COX7B2: variants seen among roughly 807,000 people sequenced by gnomAD.
COX7B2 encodes the protein cytochrome c oxidase subunit 7B2, mitochondrial.
For synonymous variants in COX7B2, 37 were observed against 32.1 expected (o/e 1.15, Z -0.51); for missense variants, 109 against 95.9 (o/e 1.14, Z -0.57).
intron 2 of COX7B2, among the ~76,000 whole-genome samples, chr4:46,747,113 G>A (rs1239669182): frequency 6.6e-6 from 1 of 151,944 alleles, no homozygotes; most frequent in Non-Finnish European, 1.5e-5. Context: ...AAGTAAACTC[G>A]TGTCATGGGG....
intron 2 of COX7B2, among the ~76,000 whole-genome samples, chr4:46,789,739 AG>A (rs1717939678): frequency 6.6e-6 from 1 of 152,074 alleles, no homozygotes; most frequent in East Asian, 1.9e-4. Context: ...TCGTTTTTTC[AG>A]TTTATTTATT....
intron 1 of COX7B2, among the ~76,000 whole-genome samples, chr4:46,900,419 ATGGGTAGTT>A (rs2109893715): frequency 6.6e-6 from 1 of 152,260 alleles, no homozygotes; most frequent in East Asian, 1.9e-4. Context: ...TTGTTCTCAC[ATGGGTAGTT>A]TGGCTTCTTG....
chr4:46,798,885 C>A (rs1168166236), intron 2 of COX7B2, among the ~76,000 whole-genome samples: 1 of 152,174 alleles, frequency 6.6e-6, no homozygotes, highest in African/African-American at 2.4e-5. Context: ...TCTTAGTCTA[C>A]ACCAGTGGCC....
chr4:46,808,935 T>G (rs1719146236), intron 2 of COX7B2, among the ~76,000 whole-genome samples: 1 of 152,004 alleles, frequency 6.6e-6, no homozygotes, highest in Non-Finnish European at 1.5e-5. Flanking sequence ...TTTGCTAATA[T>G]TTTACTAAGG....
At chr4:46,834,115 TA>T (rs1715350383) in intron 2 of COX7B2, among the ~76,000 whole-genome samples, 1 of 152,166 alleles carries the variant, frequency 6.6e-6, no homozygotes, top group Non-Finnish European at 1.5e-5. Flanking sequence ...GATTGAAAGA[TA>T]AAAATTGTGA....
At chr4:46,908,937 G>A (rs553223534) in intron 1 of COX7B2, among the ~76,000 whole-genome samples, 115 of 152,014 alleles carry the variant, frequency 7.6e-4, no homozygotes, top group Non-Finnish European at 1.3e-3. Context: ...CCAGCTACTC[G>A]GGAGGCTGAG....
At chr4:46,772,064 T>C (rs1258305260) in intron 2 of COX7B2, among the ~76,000 whole-genome samples, 5 of 141,576 alleles carry the variant, frequency 3.5e-5, no homozygotes, top group African/African-American at 1.3e-4. Flanking sequence ...CAGATAAATA[T>C]ATTAAAAAAT....
In COX7B2 at chr4:46,824,375, T is replaced by C. The variant is rs1309931053; in HGVS notation, c.-50+20585A>G. Among the ~76,000 whole-genome samples the C allele has an allele frequency of 5.9e-5, 9 of 152,156 alleles. No homozygotes were observed. The East Asian group carries it at 1.7e-3, about 29-fold the overall frequency. On this transcript the variant is annotated intron_variant, in intron 2 of 2. Coordinates refer to ENST00000355591, the MANE Select transcript of COX7B2 (RefSeq NM_130902.3). The stretch of plus-strand genomic sequence containing the variant: ...CAACATACACATCTTTTGGAAGAAA[T>C]CCTTGCAAGATAGTGAGGTATACAT...
At chr4:46,825,457 C>G (rs1714619661) in intron 2 of COX7B2, among the ~76,000 whole-genome samples, 1 of 152,036 alleles carries the variant, frequency 6.6e-6, no homozygotes, top group African/African-American at 2.4e-5. Flanking sequence ...CCATACTGCC[C>G]AAAGCAATTT....
intron 2 of COX7B2, among the ~76,000 whole-genome samples, chr4:46,819,252 C>T (rs367654154): frequency 3.3e-5 from 5 of 151,986 alleles, no homozygotes; most frequent in African/African-American, 7.3e-5. Context: ...TATCAAAAAC[C>T]CTTTAGCGGA....
intron 2 of COX7B2, among the ~76,000 whole-genome samples, chr4:46,766,210 C>T (rs902963509): frequency 1.3e-5 from 2 of 152,084 alleles, no homozygotes; most frequent in Admixed American, 6.5e-5. Context: ...ATAAAACACC[C>T]CATAAGGTGT....
intron 2 of COX7B2, among the ~76,000 whole-genome samples, chr4:46,784,791 A>T (rs1717663329): frequency 1.3e-5 from 2 of 152,190 alleles, no homozygotes; most frequent in Admixed American, 1.3e-4. Flanking sequence ...ATAAGTGTTG[A>T]TTGCTTAGCT....
At chr4:46,752,305 A>G (rs1311620037) in intron 2 of COX7B2, among the ~76,000 whole-genome samples, 4 of 151,152 alleles carry the variant, frequency 2.6e-5, no homozygotes, top group Non-Finnish European at 5.9e-5. Flanking sequence ...TTATCAGCTT[A>G]AGGAGATTTT....
intron 2 of COX7B2, among the ~76,000 whole-genome samples, chr4:46,770,302 C>CTGTACAT (rs1490342954): frequency 6.6e-6 from 1 of 151,984 alleles, no homozygotes; most frequent in East Asian, 1.9e-4. Flanking sequence ...TGTTAAAAAT[C>CTGTACAT]TGTACATTGT....
At chr4:46,881,811 T>A (rs1237241832) in intron 1 of COX7B2, among the ~76,000 whole-genome samples, 1 of 152,130 alleles carries the variant, frequency 6.6e-6, no homozygotes, top group East Asian at 1.9e-4. Flanking sequence ...CCCAAGATAT[T>A]TTCCTTTCAC....
chr4:46,759,283 T>C lies in COX7B2; in HGVS notation c.-49-24042A>G, dbSNP rs576592227. 2.6e-5 allele frequency among the ~76,000 whole-genome samples: 4 copies of C among 152,182 alleles called. No individual in the cohort carries two copies. The South Asian group carries it at 8.3e-4, about 32-fold the overall frequency. On this transcript the variant is annotated intron_variant, in intron 2 of 2. Transcript: ENST00000355591. ...CTAAGAAGTCCTTCAGATAATGTAA[T>C]TGTTAGAGATCAACTATGAGGAAAA...
intron 2 of COX7B2, among the ~76,000 whole-genome samples, chr4:46,765,752 G>C (rs1716495439): frequency 6.6e-6 from 1 of 151,694 alleles, no homozygotes; most frequent in Non-Finnish European, 1.5e-5. Context: ...CTAAGCTCAA[G>C]GACCACAACT....
intron 2 of COX7B2, among the ~76,000 whole-genome samples, chr4:46,804,072 C>G (rs913085935): frequency 2.6e-5 from 4 of 152,034 alleles, no homozygotes; most frequent in African/African-American, 9.7e-5. Flanking sequence ...GGTTCGTGGT[C>G]TCGCTGGCTC....
At chr4:46,746,693 A>G (rs1715043790) in intron 2 of COX7B2, among the ~76,000 whole-genome samples, 1 of 152,176 alleles carries the variant, frequency 6.6e-6, no homozygotes, top group South Asian at 2.1e-4. Flanking sequence ...CAAATCTACA[A>G]TGTGTGAGGA....
Sources: allele counts gnomAD v4.1 joint callset (sites outside exome capture counted in the v4.1 genomes callset), GRCh38; gene constraint gnomAD v4.1.1; transcripts MANE v1.5; gene names NCBI Gene and HGNC (gene_info 2026-07-23, HGNC 2026-07-21).